Variants in KAZN observed in about 807,000 individuals in gnomAD.
KAZN encodes kazrin.
In KAZN, 40 loss-of-function variants were observed where a neutral mutation model predicts 87.4. That is an observed-to-expected ratio of 0.46 (90% CI 0.36 to 0.60). The LOEUF (loss-of-function observed/expected upper bound fraction) is 0.60, where lower values mean the gene tolerates loss of function less well. KAZN is among the 20% of genes least tolerant of loss of function. The pLI is 0.00. For missense variants in KAZN, 898 were observed against 1,073.9 expected, an observed-to-expected ratio of 0.84 and a Z score of 2.29; for synonymous variants, 466 against 458.3, an observed-to-expected ratio of 1.02 and a Z score of -0.22.
At chr1:14,548,035 T>TAA (rs35205953) in intron 2 of KAZN, among the ~76,000 whole-genome samples, 3,966 of 124,254 alleles carry the variant, frequency 0.032, 123 homozygotes, top group East Asian at 0.15. Flanking sequence ...GGTGATGAGC[T>TAA]AAAAAAAAAA....
At chr1:15,035,156 C>A in intron 3 of KAZN, among the ~76,000 whole-genome samples, 1 of 152,124 alleles carries the variant, frequency 6.6e-6, no homozygotes, top group Admixed American at 6.5e-5. Context: ...TCGCAGGTCT[C>A]GCTTGACCTC....
chr1:14,883,369 AAG>A (rs1653644004), intron 1 of KAZN, among the ~76,000 whole-genome samples: 1 of 93,988 alleles, frequency 1.1e-5, no homozygotes. Context: ...GAAAGAAAGA[AAG>A]AAAGAAAGAA....
At chr1:14,134,882 C>G (rs987811830) in intron 1 of KAZN, among the ~76,000 whole-genome samples, 7 of 151,918 alleles carry the variant, frequency 4.6e-5, no homozygotes, top group African/African-American at 1.7e-4. Flanking sequence ...TCTATCCATT[C>G]TTTATATCTC....
At chr1:14,257,741 A>C (rs1031582044) in intron 2 of KAZN, among the ~76,000 whole-genome samples, 1 of 139,364 alleles carries the variant, frequency 7.2e-6, no homozygotes, top group Non-Finnish European at 1.5e-5. Context: ...GGAATTGAAC[A>C]ATGAGATCCC....
intron 2 of KAZN, among the ~76,000 whole-genome samples, chr1:14,574,523 TTC>T (rs1226737400): frequency 2.0e-5 from 3 of 152,184 alleles, no homozygotes; most frequent in Non-Finnish European, 4.4e-5. Flanking sequence ...TTGGCTCTTA[TTC>T]TCTCTTGTCT....
intron 2 of KAZN, among the ~76,000 whole-genome samples, chr1:14,329,161 C>T (rs1656666776): frequency 6.6e-6 from 1 of 152,108 alleles, no homozygotes; most frequent in Admixed American, 6.5e-5. Flanking sequence ...CCTTCATTGG[C>T]ATCAATTTTA....
intron 1 of KAZN, among the ~76,000 whole-genome samples, chr1:14,627,492 A>T (rs761340082): frequency 1.3e-5 from 2 of 152,076 alleles, no homozygotes; most frequent in African/African-American, 2.4e-5. Context: ...CTCACTCAGG[A>T]CTTAAAAGGC....
At chr1:14,262,404 CA>C (rs2100655148) in intron 2 of KAZN, among the ~76,000 whole-genome samples, 1 of 152,276 alleles carries the variant, frequency 6.6e-6, no homozygotes, top group South Asian at 2.1e-4. Flanking sequence ...CCGTAATTGC[CA>C]AAGCTGTAAT....
chr1:14,179,612 T>C (rs1254209561), intron 1 of KAZN, among the ~76,000 whole-genome samples: 1 of 152,196 alleles, frequency 6.6e-6, no homozygotes, highest in African/African-American at 2.4e-5. Context: ...AATTTACTTA[T>C]TTGGGGTTTG....
rs540556037 is a variant in KAZN at position 14,929,802 on chromosome 1, G to C, written c.227-30882G>C. 5 of 985,452 alleles carry C rather than the reference G, an allele frequency of 5.1e-6. No individual in the cohort carries two copies. In the South Asian group the frequency reaches 1.4e-4, roughly 28 times the overall value. The allele number at this position is 985,452 out of a possible 1,614,324, so 61.0% of individuals were successfully genotyped here. A position where few individuals can be genotyped will look rare whatever the true frequency, so the allele number is the denominator to read the frequency against. On this transcript the variant is annotated intron_variant, in intron 1 of 14. Transcript: ENST00000376030. Reference sequence around the variant, plus strand: ...GGTGCCAGATGAGTGCCTTTCAAGGGAGAGGGAAGGTCAGGCTTGCCTCCT... The same window carrying C: ...GGTGCCAGATGAGTGCCTTTCAAGGCAGAGGGAAGGTCAGGCTTGCCTCCT...
At chr1:14,031,447 C>T (rs1394184712) in intron 1 of KAZN, among the ~76,000 whole-genome samples, 2 of 152,154 alleles carry the variant, frequency 1.3e-5, no homozygotes, top group Non-Finnish European at 2.9e-5. Flanking sequence ...ATTCGTTGCT[C>T]CATGTAGACA....
At chr1:14,360,986 TCTCTTCAGAG>T (rs1300265165) in intron 2 of KAZN, among the ~76,000 whole-genome samples, 1 of 152,184 alleles carries the variant, frequency 6.6e-6, no homozygotes, top group Non-Finnish European at 1.5e-5. Context: ...GATCGGCTGC[TCTCTTCAGAG>T]CCAGCAGGCA....
Position 15,060,208 on chromosome 1 carries a change from C to A in KAZN, c.953C>A (p.Ser318Tyr). The stretch of plus-strand genomic sequence containing the variant: ...AGCCCCTGCCACTCCCGGCAGCCCT[C>A]TGTCATCTCCGACGCATCTGCCGCC... ...RVSPCHSRQPSVISDASAAEG... is the reference protein window; with the variant it reads ...RVSPCHSRQPYVISDASAAEG... The change falls in exon 6 of 15, where the codon TCT (serine) becomes TAT (tyrosine). Residue 318 changes from serine to tyrosine, a missense_variant. By Grantham distance (144) the Ser-to-Tyr change is moderately radical. Around this residue, in one of 3 missense-constraint regions of KAZN, gnomAD observed 521 missense variants for 689.4 expected, o/e 0.76. Coordinates refer to ENST00000376030, the MANE Select transcript of KAZN (RefSeq NM_201628.3). The A allele has an allele frequency of 6.2e-7, 1 of 1,614,260 alleles. No individual in the cohort carries two copies. Among genetic ancestry groups the A allele is most frequent in the Non-Finnish European group, 8.5e-7 (1 of 1,180,046 alleles).
At chr1:14,976,746 G>T (rs1665669847) in intron 2 of KAZN, among the ~76,000 whole-genome samples, 1 of 152,142 alleles carries the variant, frequency 6.6e-6, no homozygotes, top group Admixed American at 6.6e-5. Flanking sequence ...AGAACACACG[G>T]CAGGGCGCTC....
chr1:15,103,417 C>A lies in KAZN; in HGVS notation c.1838C>A (p.Thr613Asn), dbSNP rs1236873795. The A allele has an allele frequency of 6.4e-7, 1 of 1,552,094 alleles. No individual in the cohort carries two copies. The highest frequency in any genetic ancestry group is 8.7e-7 in the Non-Finnish European group (1 of 1,147,516). ...CAGAACATTGACCCCGTGGTGTGGA[C>A]CAACCAGCGGGTGCTCAAGTGGGTT... ...ETQNIDPVVW[T>N]NQRVLKWVRD... Residue 613 changes from threonine to asparagine, a missense_variant, in exon 12 of 15, where the codon ACC becomes AAC. By Grantham distance (65) the Thr-to-Asn change is moderately conservative. This residue lies in a region of KAZN where 521 missense variants were observed against 689.4 expected (regional missense o/e 0.76). Coordinates refer to ENST00000376030, the MANE Select transcript of KAZN (RefSeq NM_201628.3).
At position 15,066,466 on chromosome 1, in the gene KAZN, AG is replaced by A. The variant is rs1285110946; in HGVS notation, c.1222+717del. ...CTACAAAGACTCGCGAGCCGGGCCA[AG>A]GGGCCTTGTCTTGGCTGGGTTTGTC... On this transcript the variant is annotated intron_variant, in intron 8 of 14. Transcript: ENST00000376030. The surrounding 1 kb of genome is among the most constrained non-coding windows in gnomAD (Gnocchi z 4.3). 1.0e-6 allele frequency: 1 copy of A among 985,452 alleles called. No individual in the cohort carries two copies. The highest frequency in any genetic ancestry group is 1.2e-6 in the Non-Finnish European group (1 of 829,944). 61.0% of individuals were successfully genotyped at this position (985,452 alleles called of 1,614,324 possible).
At chr1:15,045,116 C>T (rs192028830) in intron 4 of KAZN, among the ~76,000 whole-genome samples, 1 of 152,306 alleles carries the variant, frequency 6.6e-6, no homozygotes, top group East Asian at 1.9e-4. Flanking sequence ...CTGTTCTGGG[C>T]TTCAGTGCCT....
intron 1 of KAZN, among the ~76,000 whole-genome samples, chr1:14,685,230 G>A (rs928420397): frequency 9.9e-5 from 15 of 152,222 alleles, no homozygotes; most frequent in African/African-American, 3.6e-4. Context: ...GCTTAATCCT[G>A]CCGGAGAAAC....
At chr1:13,993,085 G>A (rs1639359637) in intron 1 of KAZN, among the ~76,000 whole-genome samples, 1 of 152,178 alleles carries the variant, frequency 6.6e-6, no homozygotes, top group South Asian at 2.1e-4. Flanking sequence ...CTTTAGCTAA[G>A]GCCATGTGAA....
Sources: allele counts gnomAD v4.1 joint callset (sites outside exome capture counted in the v4.1 genomes callset), GRCh38; gene constraint gnomAD v4.1.1; regional missense constraint gnomAD v4.1.1; non-coding constraint Gnocchi (gnomAD v3.1); transcripts MANE v1.5; gene names NCBI Gene and HGNC (gene_info 2026-07-23, HGNC 2026-07-21).